Variants in ASH2L observed in about 807,000 individuals in gnomAD.
ASH2L encodes the protein set1/Ash2 histone methyltransferase complex subunit ASH2.
A neutral mutation model predicts 81.1 loss-of-function variants in ASH2L; 30 were observed. The observed-to-expected ratio is 0.37, with a 90% confidence interval of 0.28 to 0.50. ASH2L has a LOEUF of 0.50. Ranked by LOEUF, ASH2L falls within the 20% of genes least tolerant of loss-of-function variation. ASH2L has a pLI of 0.95. For synonymous variants in ASH2L, 273 were observed against 279.9 expected (o/e 0.98, Z 0.24); for missense variants, 559 against 792.1 (o/e 0.71, Z 3.53).
chr8:38,110,134 C>A (rs1334693548), intron 3 of ASH2L, among the ~76,000 whole-genome samples: 1 of 152,134 alleles, frequency 6.6e-6, no homozygotes, highest in Admixed American at 6.5e-5. Flanking sequence ...CATGGCGAAA[C>A]CCTGACTCCA....
chr8:38,107,077 A>G lies in ASH2L; in HGVS notation c.312A>G (p.Glu104=). The G allele has an allele frequency of 1.2e-6, 2 of 1,614,116 alleles. No homozygotes were observed. The highest frequency in any genetic ancestry group is 1.7e-6 in the Non-Finnish European group (2 of 1,179,966). ...VMDTQAGSVD[E]ENGRQLGEVE... ...ATACTCAGGCGGGCTCCGTGGATGA[A>G]GAGAATGGCCGACAGTTGGGTGAGG... Residue 104 remains glutamate (E), a synonymous_variant, in exon 3 of 16, where the codon GAA becomes GAG. Coordinates refer to ENST00000343823, the MANE Select transcript of ASH2L (RefSeq NM_004674.5).
rs367993008 is a variant in ASH2L, at chr8:38,107,868, A to ATATGTGTG, written c.401+703_401+704insATGTGTGT. On this transcript the variant is annotated intron_variant, in intron 3 of 15. Coordinates refer to ENST00000343823, the MANE Select transcript of ASH2L (RefSeq NM_004674.5). ...GGTGAGATTGTGAAGAAATACATAT[A>ATATGTGTG]TGTGTGTGTGTGTGTGTGTGTGTGT... 2.1e-4 allele frequency among the ~76,000 whole-genome samples: 30 copies of ATATGTGTG among 141,504 alleles called. No homozygotes were observed. In the South Asian group the frequency reaches 3.0e-3, roughly 14 times the overall value. 92.8% of individuals were successfully genotyped at this position (141,504 alleles called of 152,430 possible). A position where few individuals can be genotyped will look rare whatever the true frequency, so the allele number is the denominator to read the frequency against.
At chr8:38,107,000 T>G (rs769759600) in intron 2 of ASH2L, 21 bp from the exon 3 acceptor site, 3 of 1,613,276 alleles carry the variant, frequency 1.9e-6, no homozygotes, top group Non-Finnish European at 2.5e-6. Flanking sequence ...CTGATTTGAG[T>G]CTCGAACTGC....
intron 12 of ASH2L, among the ~76,000 whole-genome samples, chr8:38,132,925 T>C (rs1802116135): frequency 6.6e-6 from 1 of 151,826 alleles, no homozygotes; most frequent in Non-Finnish European, 1.5e-5. Flanking sequence ...AGTGAAACCC[T>C]GTCTCTACTA....
chr8:38,135,765 C>G lies in ASH2L; in HGVS notation c.1718C>G (p.Thr573Arg), dbSNP rs140501294. 5 of 1,605,594 alleles carry G rather than the reference C, an allele frequency of 3.1e-6. No individual in the cohort carries two copies. Among genetic ancestry groups the G allele is most frequent in the African/African-American group, 1.3e-5 (1 of 74,326 alleles). Residue 573 changes from threonine to arginine, a missense_variant and splice_region_variant, in exon 14 of 16, where the codon ACG becomes AGG. Thr to Arg is a moderately conservative substitution (Grantham distance 71, BLOSUM62 -1). Around this residue, in one of 4 missense-constraint regions of ASH2L, gnomAD observed 95 missense variants for 130.7 expected, o/e 0.73. Transcript: ENST00000343823. ...GCCATCTCACTGTACAAGAGCTGCA[C>G]GGTACGTACATGTTTCCATCCCATG... is the stretch of plus-strand genomic sequence containing the variant. ...FPAISLYKSC[T>R]VSINFGPCFK...
chr8:38,107,005 A>T lies in ASH2L; in HGVS notation c.256-16A>T. The T allele has an allele frequency of 6.2e-7, 1 of 1,613,646 alleles. No individual in the cohort carries two copies. The highest frequency in any genetic ancestry group is 8.5e-7 in the Non-Finnish European group (1 of 1,179,668). ...TTCAAGTCAACTGATTTGAGTCTCG[A>T]ACTGCTCTGACACAGGAAGGTGCTG... is the stretch of plus-strand genomic sequence containing the variant. On this transcript the variant is annotated splice_polypyrimidine_tract_variant and intron_variant, in intron 2 of 15. Coordinates refer to ENST00000343823, the MANE Select transcript of ASH2L (RefSeq NM_004674.5).
chr8:38,126,092 A>C (rs1185694730), intron 10 of ASH2L, among the ~76,000 whole-genome samples: 2 of 151,970 alleles, frequency 1.3e-5, no homozygotes, highest in Admixed American at 6.6e-5. Flanking sequence ...AATCCCAGCC[A>C]CTTGGGAGGC....
At chr8:38,116,796 A>C in intron 8 of ASH2L, 71 bp downstream of exon 8, 1 of 1,318,340 alleles carries the variant, frequency 7.6e-7, no homozygotes, top group Non-Finnish European at 1.1e-6. Flanking sequence ...AGAACTGGCC[A>C]TTCTTTGGGT....
intron 8 of ASH2L, chr8:38,117,377 A>G (rs980496468): frequency 1.1e-6 from 1 of 870,912 alleles, no homozygotes; most frequent in African/African-American, 1.8e-5. Context: ...CTAGTGTGTT[A>G]TCTTTTTACA....
chr8:38,121,278 T>G, intron 10 of ASH2L, 129 bp downstream of exon 10: 1 of 644,652 alleles, frequency 1.6e-6, no homozygotes, highest in Non-Finnish European at 2.5e-6. Context: ...CTGTCTAGAT[T>G]CATCCAGAAT....
chr8:38,116,768 T>C, intron 8 of ASH2L, 43 bp downstream of exon 8: 1 of 1,518,012 alleles, frequency 6.6e-7, no homozygotes, highest in Admixed American at 1.8e-5. Flanking sequence ...TTGGAAGCTA[T>C]TGAATCCAGT....
chr8:38,105,669 C>G lies in ASH2L; in HGVS notation c.119C>G (p.Ala40Gly). 6.3e-7 allele frequency: 1 copy of G among 1,590,524 alleles called. No individual in the cohort carries two copies. The highest frequency in any genetic ancestry group is 8.5e-7 in the Non-Finnish European group (1 of 1,169,996). The change falls in exon 1 of 16, where the codon GCC (alanine) becomes GGC (glycine). Residue 40 changes from alanine (A) to glycine (G), a missense_variant. Coordinates refer to ENST00000343823, the MANE Select transcript of ASH2L (RefSeq NM_004674.5). ...GEMKPVAAGA[A>G]APPGEGISAA... ...ATGAAGCCGGTGGCAGCGGGAGCAG[C>G]CGCTCCTCCTGGAGAGGGGATCTCT... is the stretch of plus-strand genomic sequence containing the variant.
intron 13 of ASH2L, 60 bp downstream of exon 13, chr8:38,133,606 T>C: frequency 7.5e-7 from 1 of 1,326,570 alleles, no homozygotes; most frequent in Non-Finnish European, 1.0e-6. Flanking sequence ...GACCCATTCC[T>C]TCATTATAAA....
intron 2 of ASH2L, 76 bp downstream of exon 2, chr8:38,106,520 T>TG: frequency 7.6e-7 from 1 of 1,312,470 alleles, no homozygotes; most frequent in Non-Finnish European, 1.1e-6. Context: ...TTTTTTTTTT[T>TG]TTGTTGCGAC....
chr8:38,115,591 C>G (rs1346501036), intron 7 of ASH2L, among the ~76,000 whole-genome samples: 1 of 152,026 alleles, frequency 6.6e-6, no homozygotes, highest in African/African-American at 2.4e-5. Context: ...TGCTTGAGTC[C>G]AGGCATTCAA....
chr8:38,105,935 G>A (rs1810406665), intron 1 of ASH2L, 197 bp downstream of exon 1: 3 of 1,494,784 alleles, frequency 2.0e-6, no homozygotes, highest in Admixed American at 2.2e-5. Flanking sequence ...TTTCACGGGC[G>A]GTGGGAGCTG....
chr8:38,125,147 A>G (rs1801783929), intron 10 of ASH2L, among the ~76,000 whole-genome samples: 1 of 152,096 alleles, frequency 6.6e-6, no homozygotes, highest in Non-Finnish European at 1.5e-5. Flanking sequence ...TCAAATTTCA[A>G]CCTGCACTTA....
chr8:38,107,243 C>A, intron 3 of ASH2L, 77 bp downstream of exon 3: 1 of 1,566,146 alleles, frequency 6.4e-7, no homozygotes. Context: ...ACTTTGTGGG[C>A]AAAATAAATG....
chr8:38,138,386 C>G (rs1343242563), intron 14 of ASH2L: 1 of 160,042 alleles, frequency 6.2e-6, no homozygotes, highest in Non-Finnish European at 1.4e-5. Flanking sequence ...AGGGGAAAGT[C>G]AATTATGTAT....
Sources: allele counts gnomAD v4.1 joint callset (sites outside exome capture counted in the v4.1 genomes callset), GRCh38; gene constraint gnomAD v4.1.1; regional missense constraint gnomAD v4.1.1; transcripts MANE v1.5; gene names NCBI Gene and HGNC (gene_info 2026-07-23, HGNC 2026-07-21).